SEC23A: variants seen among roughly 807,000 people sequenced by gnomAD.
SEC23A encodes protein transport protein Sec23A.
A neutral mutation model predicts 103.7 loss-of-function variants in SEC23A; 56 were observed. The observed-to-expected ratio is 0.54, with a 90% CI of 0.44 to 0.67. SEC23A has a LOEUF of 0.67. Ranked by LOEUF, SEC23A falls within the 30% of genes least tolerant of loss-of-function variation. SEC23A has a pLI of 0.00. For synonymous variants in SEC23A, 281 were observed against 293.0 expected (o/e 0.96, Z 0.42); for missense variants, 784 against 936.4 (o/e 0.84, Z 2.12).
chr14:39,074,340 G>T, intron 9 of SEC23A, 75 bp downstream of exon 9: 1 of 935,488 alleles, frequency 1.1e-6, no homozygotes, highest in Non-Finnish European at 1.8e-6. Context: ...TCCCTAAATG[G>T]TCATTATTGG....
In SEC23A at chr14:39,045,410, C is replaced by A. The variant is rs1162650151; in HGVS notation, c.1738-86G>T. 3.2e-6 allele frequency: 3 copies of A among 928,842 alleles called. No individual in the cohort carries two copies. The East Asian group carries it at 7.8e-5, about 24-fold the overall frequency. The allele number at this position is 928,842 out of a possible 1,614,324, so 57.5% of individuals were successfully genotyped here. A position where few individuals can be genotyped will look rare whatever the true frequency, so the allele number is the denominator to read the frequency against. ...ATTAGCAAAAATATTTGATTACAAACTATTAACAACATAACAAAACATGTT... is the reference window on the plus strand; with the variant it reads ...ATTAGCAAAAATATTTGATTACAAAATATTAACAACATAACAAAACATGTT... On this transcript the variant is annotated intron_variant, in intron 15 of 19. Coordinates refer to ENST00000307712, the MANE Select transcript of SEC23A (RefSeq NM_006364.4).
Position 39,092,144 on chromosome 14 carries a change from G to A in SEC23A, c.366+397C>T, listed in dbSNP as rs369046403. Among the ~76,000 whole-genome samples, 72 of 152,308 alleles carry A rather than the reference G, an allele frequency of 4.7e-4. 1 individual carries two copies. In the South Asian group the frequency reaches 0.014, roughly 31 times the overall value. On this transcript the variant is annotated intron_variant, in intron 4 of 19. Transcript: ENST00000307712. Reference sequence around the variant, plus strand: ...AAAACATGTAAACAACTATGGTTAAGTATTCAGAAAGAGAATAAAAATGAT... The same window carrying A: ...AAAACATGTAAACAACTATGGTTAAATATTCAGAAAGAGAATAAAAATGAT...
Position 39,033,277 on chromosome 14 carries a change from C to T in SEC23A, c.2260G>A (p.Asp754Asn). The T allele has an allele frequency of 6.2e-7, 1 of 1,613,446 alleles. No individual in the cohort carries two copies. Among genetic ancestry groups the T allele is most frequent in the Non-Finnish European group, 8.5e-7 (1 of 1,179,474 alleles). ...TDDVSLQVFM[D>N]HLKKLAVSSA... is the part of the protein sequence containing the mutation. ...GACACAGCAAGTTTCTTCAAGTGAT[C>T]CATAAACACTTGTAAACTAACATCA... is the stretch of plus-strand genomic sequence containing the variant. Residue 754 changes from aspartate (D) to asparagine (N), a missense_variant, in exon 20 of 20, where the codon GAT becomes AAT. Physicochemically the swap from Asp to Asn is conservative, Grantham distance 23. This residue lies in a region of SEC23A where 101 missense variants were observed against 162.2 expected (regional missense o/e 0.62). Coordinates refer to ENST00000307712, the MANE Select transcript of SEC23A (RefSeq NM_006364.4).
chr14:39,049,220 G>C (rs186293426), intron 14 of SEC23A, among the ~76,000 whole-genome samples: 1 of 151,640 alleles, frequency 6.6e-6, no homozygotes, highest in African/African-American at 2.4e-5. Flanking sequence ...GCTCACACCT[G>C]TAATCCCAGC....
intron 19 of SEC23A, among the ~76,000 whole-genome samples, chr14:39,037,734 T>C (rs2139180100): frequency 6.6e-6 from 1 of 152,348 alleles, no homozygotes. Flanking sequence ...AATTATGTTC[T>C]TTATAGCTAT....
At chr14:39,101,400 A>G (rs1888088307) in intron 1 of SEC23A, among the ~76,000 whole-genome samples, 1 of 151,362 alleles carries the variant, frequency 6.6e-6, no homozygotes, top group African/African-American at 2.4e-5. Flanking sequence ...AGGGTGGATC[A>G]TGAGGTCAGG....
chr14:39,050,453 C>T (rs183037626), intron 14 of SEC23A, among the ~76,000 whole-genome samples: 52 of 152,262 alleles, frequency 3.4e-4, no homozygotes, highest in African/African-American at 1.2e-3. Context: ...CCCATTGGTG[C>T]AGCAAGAGAA....
chr14:39,054,387 T>C (rs1451296044), intron 14 of SEC23A, among the ~76,000 whole-genome samples: 2 of 152,194 alleles, frequency 1.3e-5, no homozygotes, highest in African/African-American at 4.8e-5. Flanking sequence ...CTAATAACTT[T>C]ATTAGCACAC....
Position 39,077,458 on chromosome 14 carries a change from C to T in SEC23A, c.829-1365G>A, listed in dbSNP as rs1008779650. ...CTTGGGAGGCAGAGGCAGAGAATTG[C>T]TTGAACCCGGGAGGTGGAGGTTGCA... On this transcript the variant is annotated intron_variant, in intron 7 of 19. Coordinates refer to ENST00000307712, the MANE Select transcript of SEC23A (RefSeq NM_006364.4). Among the ~76,000 whole-genome samples the T allele has an allele frequency of 4.0e-5, 6 of 151,714 alleles. No individual in the cohort carries two copies. In the South Asian group the frequency reaches 1.3e-3, roughly 32 times the overall value.
At chr14:39,097,389 T>C (rs1414186935) in intron 1 of SEC23A, among the ~76,000 whole-genome samples, 1 of 152,184 alleles carries the variant, frequency 6.6e-6, no homozygotes, top group Non-Finnish European at 1.5e-5. Flanking sequence ...AGAAGTGAAC[T>C]GTGAACCTAG....
At chr14:39,094,762 G>A in intron 2 of SEC23A, 1 of 460,122 alleles carries the variant, frequency 2.2e-6, no homozygotes, top group Non-Finnish European at 3.8e-6. Context: ...CCATTGTCAA[G>A]GTAGGAGTAA....
intron 19 of SEC23A, 125 bp downstream of exon 19, chr14:39,038,906 T>A (rs1885542771): frequency 1.2e-6 from 1 of 865,578 alleles, no homozygotes; most frequent in Non-Finnish European, 1.9e-6. Context: ...TCTACTCTCA[T>A]TTTTACATTA....
intron 9 of SEC23A, among the ~76,000 whole-genome samples, chr14:39,073,206 T>C (rs768244948): frequency 6.6e-6 from 1 of 152,128 alleles, no homozygotes; most frequent in African/African-American, 2.4e-5. Flanking sequence ...TAAAATAAAA[T>C]AAAATAAAAT....
intron 9 of SEC23A, among the ~76,000 whole-genome samples, 192 bp from the exon 10 acceptor site, chr14:39,067,488 C>A (rs1363046829): frequency 6.6e-6 from 1 of 151,846 alleles, no homozygotes; most frequent in Admixed American, 6.6e-5. Context: ...ATCTCAATTC[C>A]GAAGGTAACA....
chr14:39,043,423 A>C (rs939792134), intron 16 of SEC23A, among the ~76,000 whole-genome samples: 1 of 152,238 alleles, frequency 6.6e-6, no homozygotes, highest in Non-Finnish European at 1.5e-5. Flanking sequence ...AGTAAAGTCA[A>C]GAAGAATTCA....
Position 39,048,643 on chromosome 14 carries a change from C to T in SEC23A, c.1737+9G>A, listed in dbSNP as rs748072589. 21 of 1,554,156 alleles carry T rather than the reference C, an allele frequency of 1.4e-5. No homozygotes were observed. The highest frequency in any genetic ancestry group is 1.7e-4 in the Middle Eastern group (1 of 5,978). ...AAAAGAAAAGAATATGGACCTTTTACCTACTTACCTGTGGATAAAGGGAGA... is the reference window on the plus strand; with the variant it reads ...AAAAGAAAAGAATATGGACCTTTTATCTACTTACCTGTGGATAAAGGGAGA... On this transcript the variant is annotated intron_variant, in intron 15 of 19. Transcript: ENST00000307712.
rs1379343595 is a variant in SEC23A, at chr14:39,086,918, A to AT, written c.683+10dup. The AT allele has an allele frequency of 1.8e-5, 28 of 1,529,212 alleles. No individual in the cohort carries two copies. Among genetic ancestry groups the AT allele is most frequent in the Non-Finnish European group, 2.4e-5 (27 of 1,102,656 alleles). The allele number at this position is 1,529,212 out of a possible 1,614,324, so 94.7% of individuals were successfully genotyped here. A position where few individuals can be genotyped will look rare whatever the true frequency, so the allele number is the denominator to read the frequency against. On this transcript the variant is annotated intron_variant, in intron 6 of 19. Coordinates refer to ENST00000307712, the MANE Select transcript of SEC23A (RefSeq NM_006364.4). The stretch of plus-strand genomic sequence containing the variant: ...CAGAAACGGTCAAATTCTCTTCATC[A>AT]TATTTATTACCTGTTGGAAGGAGGT...
rs145678301 is a variant in SEC23A at position 39,097,501 on chromosome 14, T to C, written c.-21-1362A>G. The stretch of plus-strand genomic sequence containing the variant: ...AAGTGAAGAAAGAAGAGATATTATT[T>C]GGGGGGAAAAAGTTAGATATAACAA... On this transcript the variant is annotated intron_variant, in intron 1 of 19. Coordinates refer to ENST00000307712, the MANE Select transcript of SEC23A (RefSeq NM_006364.4). Among the ~76,000 whole-genome samples, 1,424 of 152,266 alleles carry C rather than the reference T, an allele frequency of 9.4e-3. 13 individuals carry two copies. Among genetic ancestry groups the C allele is most frequent in the Non-Finnish European group, 0.015 (996 of 68,022 alleles).
At chr14:39,091,426 A>G (rs1566512133) in intron 5 of SEC23A, 51 bp downstream of exon 5, 3 of 1,326,480 alleles carry the variant, frequency 2.3e-6, no homozygotes, top group Admixed American at 1.7e-5. Flanking sequence ...ATTTATAAAC[A>G]TATATAGAGT....
Sources: allele counts gnomAD v4.1 joint callset (sites outside exome capture counted in the v4.1 genomes callset), GRCh38; gene constraint gnomAD v4.1.1; regional missense constraint gnomAD v4.1.1; transcripts MANE v1.5; gene names NCBI Gene and HGNC (gene_info 2026-07-23, HGNC 2026-07-21).